ATP13A1: variants seen among roughly 807,000 people sequenced by gnomAD.
ATP13A1 encodes the protein ATPase 13A1, also known as endoplasmic reticulum transmembrane helix translocase.
ATP13A1 carries 55 observed loss-of-function variants against 134.8 expected under a neutral mutation model. That is an observed-to-expected ratio of 0.41 (90% CI 0.33 to 0.51). The LOEUF (loss-of-function observed/expected upper bound fraction) is 0.51. Ranked by LOEUF, ATP13A1 falls within the 20% of genes least tolerant of loss-of-function variation. The pLI is 0.29. For synonymous variants in ATP13A1, 775 were observed against 725.1 expected (o/e 1.07, Z -1.10); for missense variants, 1,389 against 1,652.8 (o/e 0.84, Z 2.77).
chr19:19,647,566 A>G lies in ATP13A1; in HGVS notation c.2793+33T>C, dbSNP rs773021488. The stretch of plus-strand genomic sequence containing the variant: ...CAGCAGGCTGTCAGCCCTGGCCAGG[A>G]TGGGGTGCAGCACCTCCCCTCTTGG... On this transcript the variant is annotated intron_variant, in intron 20 of 25. Coordinates refer to ENST00000357324, the MANE Select transcript of ATP13A1 (RefSeq NM_020410.3). This position sits in a 1 kb window ranked among gnomAD's most constrained non-coding sequence, Gnocchi z 4.8. 1 of 1,612,628 alleles carries G rather than the reference A, an allele frequency of 6.2e-7. No homozygotes were observed. Among genetic ancestry groups the G allele is most frequent in the African/African-American group, 1.3e-5 (1 of 74,878 alleles).
chr19:19,649,468 C>G, intron 19 of ATP13A1, 99 bp downstream of exon 19: 1 of 1,270,580 alleles, frequency 7.9e-7, no homozygotes, highest in South Asian at 1.3e-5. Context: ...AATTAGTGCC[C>G]CCGTGGCTGT....
rs756958183 is a variant in ATP13A1, at chr19:19,652,714, C to G, written c.2107G>C (p.Glu703Gln). 5 of 1,604,516 alleles carry G rather than the reference C, an allele frequency of 3.1e-6. No homozygotes were observed. The highest frequency in any genetic ancestry group is 1.7e-5 in the Admixed American group (1 of 59,212). Residue 703 changes from glutamate to glutamine, a missense_variant, in exon 16 of 26, where the codon GAG becomes CAG. Around this residue, in one of 4 missense-constraint regions of ATP13A1, gnomAD observed 747 missense variants for 956.1 expected, o/e 0.78. Transcript: ENST00000357324. ...CACTCCAGGGCCTCCCGCTTGACCT[C>G]CCGGGCCTGCGGACAGACAGGGGCA... ...LGHLTHQQAR[E>Q]VKREALECSL...
At chr19:19,662,440 T>G (rs1485717627) in intron 1 of ATP13A1, 1 of 901,408 alleles carries the variant, frequency 1.1e-6, no homozygotes, top group African/African-American at 1.8e-5. Flanking sequence ...ACTCCTGGAA[T>G]CAGAGGGGAA....
chr19:19,660,354 C>T (rs2062086738), intron 1 of ATP13A1, among the ~76,000 whole-genome samples: 1 of 152,148 alleles, frequency 6.6e-6, no homozygotes, highest in Non-Finnish European at 1.5e-5. Flanking sequence ...CGGTGGTGCA[C>T]ACCTGTAATA....
intron 1 of ATP13A1, among the ~76,000 whole-genome samples, chr19:19,662,549 G>A (rs554259833): frequency 7.9e-5 from 12 of 152,130 alleles, no homozygotes; most frequent in Admixed American, 1.3e-4. Context: ...CAGGCCCAGG[G>A]AAGCTCACAG....
Position 19,647,254 on chromosome 19 carries a change from T to C in ATP13A1, c.2980A>G (p.Asn994Asp). 1.2e-6 allele frequency: 2 copies of C among 1,613,840 alleles called. No individual in the cohort carries two copies. Among genetic ancestry groups the C allele is most frequent in the South Asian group, 1.1e-5 (1 of 91,080 alleles). ...TLQMFKILALNALILAYSQSV... is the reference protein window; with the variant it reads ...TLQMFKILALDALILAYSQSV... Reference sequence around the variant, plus strand: ...TGGCTGTAGGCCAGGATGAGGGCATTGAGCGCCAGGATCTTGAACATCTGT... The same window carrying C: ...TGGCTGTAGGCCAGGATGAGGGCATCGAGCGCCAGGATCTTGAACATCTGT... Residue 994 changes from asparagine to aspartate, a missense_variant, in exon 22 of 26, where the codon AAT (asparagine) becomes GAT (aspartate). Asn to Asp is a conservative substitution (Grantham distance 23). Coordinates refer to ENST00000357324, the MANE Select transcript of ATP13A1 (RefSeq NM_020410.3). This position sits in a 1 kb window ranked among gnomAD's most constrained non-coding sequence, Gnocchi z 4.8.
rs373283716 is a variant in ATP13A1 at position 19,645,377 on chromosome 19, G to A, written c.*45C>T. ...CTCCCGGGGCCCTGTTGGGGTTCCC[G>A]CCCAGCGGCAGCCAGGGTGGGCAGT... On this transcript the variant is annotated 3_prime_UTR_variant, in exon 26 of 26. Transcript: ENST00000357324. This position sits in a 1 kb window ranked among gnomAD's most constrained non-coding sequence, Gnocchi z 4.1. 18 of 1,552,400 alleles carry A rather than the reference G, an allele frequency of 1.2e-5. No homozygotes were observed. Among genetic ancestry groups the A allele is most frequent in the African/African-American group, 1.4e-5 (1 of 73,230 alleles).
Position 19,646,219 on chromosome 19 carries a change from G to A in ATP13A1, c.3234C>T (p.Ala1078=), listed in dbSNP as rs563948883. ...SLVYLYREAQ[A]RSPEKQEQFV... is the part of the protein sequence containing the mutation. Reference sequence around the variant, plus strand: ...GCAGCACTTACTTCTCGGGGCTCCGGGCCTGGGCCTCACGGTACAGGTAGA... The same window carrying A: ...GCAGCACTTACTTCTCGGGGCTCCGAGCCTGGGCCTCACGGTACAGGTAGA... Residue 1078 remains alanine (A), a synonymous_variant, in exon 23 of 26, where the codon GCC becomes GCT. Transcript: ENST00000357324. The A allele has an allele frequency of 3.1e-6, 5 of 1,613,904 alleles. No homozygotes were observed. The African/African-American group carries it at 6.7e-5, about 22-fold the overall frequency.
rs2062049618 is a variant in ATP13A1 at position 19,655,232 on chromosome 19, G to A, written c.1542C>T (p.Tyr514=). 6.2e-7 allele frequency: 1 copy of A among 1,614,004 alleles called. No homozygotes were observed. Among genetic ancestry groups the A allele is most frequent in the African/African-American group, 1.3e-5 (1 of 75,068 alleles). Residue 514 remains tyrosine (Y), a synonymous_variant, in exon 12 of 26, where the codon TAC becomes TAT. Transcript: ENST00000357324. The surrounding 1 kb of genome is among the most constrained non-coding windows in gnomAD (Gnocchi z 5.7). ...AGGGGATCCGGAAGGGCTCTGTGCA[G>A]TACATGTCTAGGGGCGGGAGTGAGG... ...SLIALAKLYM[Y]CTEPFRIPFA...
Position 19,656,862 on chromosome 19 carries a change from C to CAT in ATP13A1, c.960_961insAT (p.Asp321MetfsTer28). On this transcript the variant is annotated frameshift_variant, in exon 6 of 26. Coordinates refer to ENST00000357324, the MANE Select transcript of ATP13A1 (RefSeq NM_020410.3). LOFTEE classifies it high-confidence loss of function. The surrounding 1 kb of genome is among the most constrained non-coding windows in gnomAD (Gnocchi z 4.6). ...CCGGCCTCACCGATGGAGACGATGTCCCCTGGTACGATCTCATCACTGGCA... is the reference window on the plus strand; with the variant it reads ...CCGGCCTCACCGATGGAGACGATGTCATCCCTGGTACGATCTCATCACTGGCA... 6.2e-7 allele frequency: 1 copy of CAT among 1,612,532 alleles called. No individual in the cohort carries two copies.
intron 3 of ATP13A1, 94 bp from the exon 4 acceptor site, chr19:19,657,502 G>T: frequency 7.8e-7 from 1 of 1,283,026 alleles, no homozygotes; most frequent in Non-Finnish European, 1.0e-6. Flanking sequence ...ATGGCAGGCC[G>T]CTCTCAAGAA....
chr19:19,659,844 G>A (rs374761459), intron 2 of ATP13A1, 53 bp from the exon 3 acceptor site: 245 of 1,597,042 alleles, frequency 1.5e-4, no homozygotes, highest in South Asian at 1.4e-3. Flanking sequence ...GGGTGTCAGC[G>A]CCTGGGAATC....
In ATP13A1 at chr19:19,649,674, G is replaced by A. The variant is rs1333732052; in HGVS notation, c.2536-11C>T. ...GGTGATGACAAACTCCTGTATGGGC[G>A]GAGACAGGCTGAGCAGGGGCTGCGT... On this transcript the variant is annotated splice_polypyrimidine_tract_variant and intron_variant, in intron 18 of 25. Transcript: ENST00000357324. The A allele has an allele frequency of 1.1e-5, 18 of 1,613,650 alleles. No homozygotes were observed. The highest frequency in any genetic ancestry group is 3.3e-4 in the Middle Eastern group (2 of 6,084).
In ATP13A1 at chr19:19,645,341, G is replaced by C; in HGVS notation, c.*81C>G. On this transcript the variant is annotated 3_prime_UTR_variant, in exon 26 of 26. Coordinates refer to ENST00000357324, the MANE Select transcript of ATP13A1 (RefSeq NM_020410.3). This position sits in a 1 kb window ranked among gnomAD's most constrained non-coding sequence, Gnocchi z 4.1. ...TACAGCCTTGCTGTGGGGGGTTGGG[G>C]GCAGGGTTCCCTCCCGGGGCCCTGT... 1 of 1,438,980 alleles carries C rather than the reference G, an allele frequency of 6.9e-7. No homozygotes were observed. The highest frequency in any genetic ancestry group is 9.5e-7 in the Non-Finnish European group (1 of 1,051,360). The allele number at this position is 1,438,980 out of a possible 1,614,324, so 89.1% of individuals were successfully genotyped here. A position where few individuals can be genotyped will look rare whatever the true frequency, so the allele number is the denominator to read the frequency against.
chr19:19,659,998 C>A lies in ATP13A1; in HGVS notation c.397-11G>T. 1 of 1,554,828 alleles carries A rather than the reference C, an allele frequency of 6.4e-7. No individual in the cohort carries two copies. The highest frequency in any genetic ancestry group is 8.7e-7 in the Non-Finnish European group (1 of 1,151,254). ...GCTGGGGTCGTACTCCTGACAGAGA[C>A]AAAGAAAGCATTGTGGCTTAGCTCT... On this transcript the variant is annotated splice_polypyrimidine_tract_variant and intron_variant, in intron 1 of 25. Coordinates refer to ENST00000357324, the MANE Select transcript of ATP13A1 (RefSeq NM_020410.3).
At position 19,653,851 on chromosome 19, in the gene ATP13A1, A is replaced by T; in HGVS notation, c.2033T>A (p.Ile678Asn). The T allele has an allele frequency of 6.4e-7, 1 of 1,565,914 alleles. No individual in the cohort carries two copies. The highest frequency in any genetic ancestry group is 8.7e-7 in the Non-Finnish European group (1 of 1,155,860). Residue 678 changes from isoleucine to asparagine, a missense_variant, in exon 15 of 26, where the codon ATC (isoleucine) becomes AAC (asparagine). Ile to Asn is a moderately radical substitution (Grantham distance 149, BLOSUM62 -3). This residue lies in a region of ATP13A1 where 747 missense variants were observed against 956.1 expected (regional missense o/e 0.78). Transcript: ENST00000357324. This position sits in a 1 kb window ranked among gnomAD's most constrained non-coding sequence, Gnocchi z 4.2. ...PPDYHHIHTE[I>N]SREGARVLAL... ...CAGGACGCGGGCTCCTTCCCGGGAGATCTCGGTGTGGATGTGGTGGTAGTC... is the reference window on the plus strand; with the variant it reads ...CAGGACGCGGGCTCCTTCCCGGGAGTTCTCGGTGTGGATGTGGTGGTAGTC...
Position 19,657,351 on chromosome 19 carries a change from G to A in ATP13A1, c.735C>T (p.Pro245=), listed in dbSNP as rs767854641. 8 of 1,571,958 alleles carry A rather than the reference G, an allele frequency of 5.1e-6. No individual in the cohort carries two copies. The highest frequency in any genetic ancestry group is 6.9e-6 in the Non-Finnish European group (8 of 1,158,196). ...SELFKERATA[P]FFVFQVFCVG... ...GCTGCTTTACCTGAAATACAAAGAAGGGGGCTGTGGCTCTCTCCTTGAAAA... is the reference window on the plus strand; with the variant it reads ...GCTGCTTTACCTGAAATACAAAGAAAGGGGCTGTGGCTCTCTCCTTGAAAA... The change falls in exon 4 of 26, where the codon CCC becomes CCT. Residue 245 remains proline, a synonymous_variant. Transcript: ENST00000357324.
rs913339328 is a variant in ATP13A1, at chr19:19,656,355, C to G, written c.1084-172G>C. Among the ~76,000 whole-genome samples the G allele has an allele frequency of 6.6e-6, 1 of 152,152 alleles. No individual in the cohort carries two copies. The highest frequency in any genetic ancestry group is 1.5e-5 in the Non-Finnish European group (1 of 68,006). On this transcript the variant is annotated intron_variant, in intron 7 of 25. Coordinates refer to ENST00000357324, the MANE Select transcript of ATP13A1 (RefSeq NM_020410.3). This position sits in a 1 kb window ranked among gnomAD's most constrained non-coding sequence, Gnocchi z 4.6. ...ACCCTCACCCCGTCCTGTCTTCTCC[C>G]CATTGCACTCACAGTGCCTGCTCTC...
At position 19,657,018 on chromosome 19, in the gene ATP13A1, C is replaced by T; in HGVS notation, c.882G>A (p.Met294Ile). 6.3e-7 allele frequency: 1 copy of T among 1,584,136 alleles called. No individual in the cohort carries two copies. The highest frequency in any genetic ancestry group is 8.6e-7 in the Non-Finnish European group (1 of 1,164,890). The stretch of plus-strand genomic sequence containing the variant: ...CCTGGATCATGTGGGGCTTGTTGCC[C>T]ATCTTCCGGATCTCCGACATGTTCC... ...QMRNMSEIRK[M>I]GNKPHMIQVY... is the part of the protein sequence containing the mutation. Residue 294 changes from methionine (M) to isoleucine (I), a missense_variant, in exon 5 of 26, where the codon ATG becomes ATA. Physicochemically the swap from Met to Ile is conservative, Grantham distance 10. This residue lies in a region of ATP13A1 where 747 missense variants were observed against 956.1 expected (regional missense o/e 0.78). Transcript: ENST00000357324.
Sources: allele counts gnomAD v4.1 joint callset (sites outside exome capture counted in the v4.1 genomes callset), GRCh38; gene constraint gnomAD v4.1.1; regional missense constraint gnomAD v4.1.1; non-coding constraint Gnocchi (gnomAD v3.1); transcripts MANE v1.5; gene names NCBI Gene and HGNC (gene_info 2026-07-23, HGNC 2026-07-21).